The following H1-8 variants were observed in gnomAD, a reference collection of about 807,000 sequenced individuals.
H1-8 encodes H1.8 linker histone, also known as histone H1.8.
In H1-8, 13 loss-of-function variants were observed where a neutral mutation model predicts 19.5. That is an observed-to-expected ratio of 0.67 (90% CI 0.43 to 1.06). The LOEUF (loss-of-function observed/expected upper bound fraction) is 1.06. H1-8 is among the 50% of genes least tolerant of loss of function. The pLI, the probability that H1-8 is intolerant of heterozygous loss-of-function variation, is 0.00. For synonymous variants in H1-8, 193 were observed against 187.6 expected (o/e 1.03, Z -0.24); for missense variants, 432 against 459.8 (o/e 0.94, Z 0.55).
intron 3 of H1-8, among the ~76,000 whole-genome samples, chr3:129,549,912 C>A (rs992325627): frequency 2.0e-5 from 3 of 152,064 alleles, no homozygotes; most frequent in African/African-American, 7.2e-5. Context: ...CGAGATCGCA[C>A]CACTGTACTC....
Position 129,549,706 on chromosome 3 carries a change from C to T in H1-8, c.742+342C>T, listed in dbSNP as rs551333404. On this transcript the variant is annotated intron_variant, in intron 3 of 4. Coordinates refer to ENST00000324382, the MANE Select transcript of H1-8 (RefSeq NM_153833.3). ...TGGTGGCTCATGCCTGTAAGCCTAA[C>T]ACTTTGGGAGGCCAAGGCGGGCGGA... 2.6e-5 allele frequency among the ~76,000 whole-genome samples: 4 copies of T among 152,024 alleles called. No homozygotes were observed. The East Asian group carries it at 7.8e-4, about 30-fold the overall frequency.
chr3:129,548,713 G>GAGGCA lies in H1-8; in HGVS notation c.379-288_379-287insAGGCA, dbSNP rs145138068. ...TCAAGGGGCGAGGTGGTGGGGGCAT[G>GAGGCA]GGGCATGAGGCAGGGCAGCGCTTCA... On this transcript the variant is annotated intron_variant, in intron 2 of 4. Transcript: ENST00000324382. 0.017 allele frequency among the ~76,000 whole-genome samples: 2,627 copies of GAGGCA among 152,242 alleles called. 315 individuals carry two copies. In the East Asian group the frequency reaches 0.31, roughly 18 times the overall value.
Position 129,550,750 on chromosome 3 carries a change from G to A in H1-8, c.748G>A (p.Ala250Thr). 1 of 1,613,930 alleles carries A rather than the reference G, an allele frequency of 6.2e-7. No homozygotes were observed. Among genetic ancestry groups the A allele is most frequent in the Non-Finnish European group, 8.5e-7 (1 of 1,179,848 alleles). Residue 250 changes from alanine (A) to threonine (T), a missense_variant, in exon 4 of 5, where the codon GCT (alanine) becomes ACT (threonine). Coordinates refer to ENST00000324382, the MANE Select transcript of H1-8 (RefSeq NM_153833.3). ...CCTCCTCCATCAAATTCCAGGAGAT[G>A]CTGAGGCCTACAGGAAAACCAAAGC... ...AKGSRSSQGD[A>T]EAYRKTKAES...
chr3:129,550,971 TG>T, intron 4 of H1-8, 135 bp from the exon 5 acceptor site: 1 of 957,040 alleles, frequency 1.0e-6, no homozygotes, highest in East Asian at 2.6e-5. Context: ...CCTGGCACCC[TG>T]GGGGTGTTGC....
intron 1 of H1-8, among the ~76,000 whole-genome samples, chr3:129,545,604 C>T (rs577973845): frequency 5.9e-5 from 9 of 152,314 alleles, no homozygotes; most frequent in Admixed American, 5.9e-4. Context: ...ACCCCCACTC[C>T]CCAGCCCTGG....
Position 129,547,408 on chromosome 3 carries a change from G to GGGC in H1-8, c.106_107insGGC (p.Val36delinsGlyLeu). 6.6e-7 allele frequency: 1 copy of GGGC among 1,509,708 alleles called. No individual in the cohort carries two copies. The highest frequency in any genetic ancestry group is 8.8e-7 in the Non-Finnish European group (1 of 1,132,976). The allele number at this position is 1,509,708 out of a possible 1,614,324, so 93.5% of individuals were successfully genotyped here. A position where few individuals can be genotyped will look rare whatever the true frequency, so the allele number is the denominator to read the frequency against. Reference sequence around the variant, plus strand: ...CTCCTCAGGCCCGAGCCACGGCGGTGTCCCACCAGGAGGCCCGAGCCACAG... The same window carrying GGGC: ...CTCCTCAGGCCCGAGCCACGGCGGTGGGCTCCCACCAGGAGGCCCGAGCCACAG... On this transcript the variant is annotated protein_altering_variant, in exon 2 of 5. Coordinates refer to ENST00000324382, the MANE Select transcript of H1-8 (RefSeq NM_153833.3).
intron 1 of H1-8, among the ~76,000 whole-genome samples, chr3:129,544,059 A>G (rs1560050574): frequency 1.3e-5 from 2 of 152,156 alleles, no homozygotes; most frequent in Admixed American, 6.5e-5. Flanking sequence ...AGGTGTCCAA[A>G]CCAAGGTGCA....
chr3:129,544,898 C>T (rs913033354), intron 1 of H1-8, among the ~76,000 whole-genome samples: 4 of 152,066 alleles, frequency 2.6e-5, no homozygotes, highest in African/African-American at 9.7e-5. Flanking sequence ...CCCAGGACTA[C>T]ACCAGCTCAA....
At position 129,549,062 on chromosome 3, in the gene H1-8, G is replaced by C; in HGVS notation, c.440G>C (p.Arg147Thr). The change falls in exon 3 of 5, where the codon AGG becomes ACG. Residue 147 changes from arginine to threonine, a missense_variant. Physicochemically the swap from Arg to Thr is moderately conservative, Grantham distance 71. Transcript: ENST00000324382. ...PRKMAPATAP[R>T]RAGEAKGKGP... ...AAGATGGCCCCCGCGACGGCTCCCA[G>C]GAGAGCGGGTGAGGCCAAGGGGAAG... The C allele has an allele frequency of 6.2e-7, 1 of 1,613,326 alleles. No homozygotes were observed. The highest frequency in any genetic ancestry group is 8.5e-7 in the Non-Finnish European group (1 of 1,179,580).
intron 1 of H1-8, among the ~76,000 whole-genome samples, chr3:129,544,447 A>G (rs1383946261): frequency 6.6e-6 from 1 of 151,366 alleles, no homozygotes; most frequent in Non-Finnish European, 1.5e-5. Context: ...GCCTATGGGG[A>G]GGCCTCGAGT....
chr3:129,547,665 C>T lies in H1-8; in HGVS notation c.363C>T (p.Ala121=). The change falls in exon 2 of 5, where the codon GCC becomes GCT. Residue 121 remains alanine (A), a synonymous_variant. Transcript: ENST00000324382. ...CCCTCAACTCCAAAGCCAGGGGGGC[C>T]ACTGGCAGCTTCAAAGTAAGCGCCC... ...ARPLNSKARG[A]TGSFKLVPKH... 1 of 1,542,856 alleles carries T rather than the reference C, an allele frequency of 6.5e-7. No individual in the cohort carries two copies. Among genetic ancestry groups the T allele is most frequent in the Non-Finnish European group, 8.7e-7 (1 of 1,146,474 alleles).
intron 3 of H1-8, among the ~76,000 whole-genome samples, chr3:129,549,707 A>T (rs2084919828): frequency 1.3e-5 from 2 of 152,114 alleles, no homozygotes; most frequent in South Asian, 4.2e-4. Flanking sequence ...TAAGCCTAAC[A>T]CTTTGGGAGG....
At position 129,551,401 on chromosome 3, in the gene H1-8, C is replaced by A; in HGVS notation, c.*61C>A. 1.0e-6 allele frequency: 1 copy of A among 971,092 alleles called. No individual in the cohort carries two copies. Among genetic ancestry groups the A allele is most frequent in the Non-Finnish European group, 1.6e-6 (1 of 640,076 alleles). 60.2% of individuals were successfully genotyped at this position (971,092 alleles called of 1,614,324 possible). ...GCCCTAGTTTTTATTCTTCAACTAACCACTGCTCTATTTATTTCATTGTAA... is the reference window on the plus strand; with the variant it reads ...GCCCTAGTTTTTATTCTTCAACTAAACACTGCTCTATTTATTTCATTGTAA... On this transcript the variant is annotated 3_prime_UTR_variant, in exon 5 of 5. Transcript: ENST00000324382.
At position 129,543,190 on chromosome 3, in the gene H1-8, G is replaced by C. The variant is rs2084864108; in HGVS notation, c.-29G>C. ...GCCCAGCAGCCTCACACCCGGGTGA[G>C]GGGTCTGCTGGCTGCACCTGTCGGT... is the stretch of plus-strand genomic sequence containing the variant. On this transcript the variant is annotated 5_prime_UTR_variant, in exon 1 of 5. Coordinates refer to ENST00000324382, the MANE Select transcript of H1-8 (RefSeq NM_153833.3). 1 of 1,571,638 alleles carries C rather than the reference G, an allele frequency of 6.4e-7. No homozygotes were observed. The highest frequency in any genetic ancestry group is 8.7e-7 in the Non-Finnish European group (1 of 1,147,222).
At position 129,543,203 on chromosome 3, in the gene H1-8, T is replaced by C. The variant is rs376185264; in HGVS notation, c.-16T>C. The C allele has an allele frequency of 2.5e-6, 4 of 1,606,876 alleles. No individual in the cohort carries two copies. The African/African-American group carries it at 4.0e-5, about 16-fold the overall frequency. On this transcript the variant is annotated 5_prime_UTR_variant, in exon 1 of 5. Transcript: ENST00000324382. ...ACACCCGGGTGAGGGGTCTGCTGGCTGCACCTGTCGGTCTCATGGCTCCTG... is the reference window on the plus strand; with the variant it reads ...ACACCCGGGTGAGGGGTCTGCTGGCCGCACCTGTCGGTCTCATGGCTCCTG...
Position 129,543,225 on chromosome 3 carries a change from C to A in H1-8, c.7C>A (p.Pro3Thr). The A allele has an allele frequency of 6.2e-7, 1 of 1,612,922 alleles. No individual in the cohort carries two copies. Among genetic ancestry groups the A allele is most frequent in the Non-Finnish European group, 8.5e-7 (1 of 1,179,512 alleles). The change falls in exon 1 of 5, where the codon CCT (proline) becomes ACT (threonine). Residue 3 changes from proline to threonine, a missense_variant. Transcript: ENST00000324382. Reference sequence around the variant, plus strand: ...GGCTGCACCTGTCGGTCTCATGGCTCCTGGGAGCGTCACCAGCGACATCTC... The same window carrying A: ...GGCTGCACCTGTCGGTCTCATGGCTACTGGGAGCGTCACCAGCGACATCTC... MA[P>T]GSVTSDISPS...
At chr3:129,547,747 CG>C in intron 2 of H1-8, 67 bp downstream of exon 2, 2 of 1,379,162 alleles carry the variant, frequency 1.5e-6, no homozygotes, top group Non-Finnish European at 1.9e-6. Context: ...GTGAGTGCTG[CG>C]GCCTCTACTG....
In H1-8 at chr3:129,549,058, C is replaced by G. The variant is rs1254378601; in HGVS notation, c.436C>G (p.Pro146Ala). Residue 146 changes from proline to alanine, a missense_variant, in exon 3 of 5, where the codon CCC (proline) becomes GCC (alanine). Transcript: ENST00000324382. ...CAGGAAGATGGCCCCCGCGACGGCT[C>G]CCAGGAGAGCGGGTGAGGCCAAGGG... ...QPRKMAPATA[P>A]RRAGEAKGKG... The G allele has an allele frequency of 1.2e-6, 2 of 1,613,326 alleles. No homozygotes were observed. The highest frequency in any genetic ancestry group is 1.7e-6 in the Non-Finnish European group (2 of 1,179,668).
Position 129,547,459 on chromosome 3 carries a change from C to G in H1-8, c.157C>G (p.Pro53Ala), listed in dbSNP as rs1214877281. 6.5e-7 allele frequency: 1 copy of G among 1,547,720 alleles called. No individual in the cohort carries two copies. Among genetic ancestry groups the G allele is most frequent in the Non-Finnish European group, 8.7e-7 (1 of 1,146,194 alleles). The change falls in exon 2 of 5, where the codon CCC (proline) becomes GCC (alanine). Residue 53 changes from proline (P) to alanine (A), a missense_variant. Transcript: ENST00000324382. ...HSSLPVGRRH[P>A]PVLRMVLEAL... ...CAGCCTCCCGGTGGGACGCCGCCAC[C>G]CCCCGGTGCTACGCATGGTGCTGGA...
Sources: allele counts gnomAD v4.1 joint callset (sites outside exome capture counted in the v4.1 genomes callset), GRCh38; gene constraint gnomAD v4.1.1; transcripts MANE v1.5; gene names NCBI Gene and HGNC (gene_info 2026-07-23, HGNC 2026-07-21).